Variants in RPTOR observed in about 807,000 individuals in gnomAD.
The protein encoded by RPTOR is regulatory associated protein of MTOR complex 1.
RPTOR carries 21 observed loss-of-function variants against 169.9 expected under a neutral mutation model. The ratio of observed to expected loss-of-function variants is 0.12; its 90% CI spans 0.09 to 0.18. The LOEUF is 0.18. Ranked by LOEUF, RPTOR falls within the 10% of genes least tolerant of loss-of-function variation. The pLI, the probability that RPTOR is intolerant of heterozygous loss-of-function variation, is 1.00. For synonymous variants in RPTOR, 732 were observed against 753.2 expected, an observed-to-expected ratio of 0.97 and a Z score of 0.46; for missense variants, 1,133 against 1,855.9, an observed-to-expected ratio of 0.61 and a Z score of 7.16.
rs1267117185 is a variant in RPTOR at position 80,659,994 on chromosome 17, G to A, written c.348+16184G>A. Among the ~76,000 whole-genome samples the A allele has an allele frequency of 2.0e-5, 3 of 152,158 alleles. No homozygotes were observed. Among genetic ancestry groups the A allele is most frequent in the Admixed American group, 1.3e-4 (2 of 15,282 alleles). On this transcript the variant is annotated intron_variant, in intron 3 of 33. Transcript: ENST00000306801. The surrounding 1 kb of genome is among the most constrained non-coding windows in gnomAD (Gnocchi z 4.3). ...ATATATAAGAATTTAAATGAGGCCG[G>A]GCGTGGTGGCTCATGCCTGTAATCC...
chr17:80,680,863 C>T (rs1053955470), intron 3 of RPTOR, among the ~76,000 whole-genome samples: 9 of 152,142 alleles, frequency 5.9e-5, no homozygotes, highest in African/African-American at 1.4e-4. Context: ...GTGCTGGGCT[C>T]GTCTGTGAAC....
chr17:80,712,479 G>A (rs774909134), intron 4 of RPTOR, among the ~76,000 whole-genome samples: 19 of 152,122 alleles, frequency 1.2e-4, no homozygotes, highest in African/African-American at 4.1e-4. Flanking sequence ...AGACTCCTCC[G>A]TGTCTTTTTG....
rs984925593 is a variant in RPTOR, at chr17:80,609,358, A to C, written c.163-16333A>C. Among the ~76,000 whole-genome samples, 2 of 152,206 alleles carry C rather than the reference A, an allele frequency of 1.3e-5. No homozygotes were observed. Among genetic ancestry groups the C allele is most frequent in the Non-Finnish European group, 2.9e-5 (2 of 68,040 alleles). ...CTGGCAGATGGTGGGTTTCACACTG[A>C]GTTAAGTAGCTTCACGACTGCTAGT... On this transcript the variant is annotated intron_variant, in intron 1 of 33. Coordinates refer to ENST00000306801, the MANE Select transcript of RPTOR (RefSeq NM_020761.3). This position sits in a 1 kb window ranked among gnomAD's most constrained non-coding sequence, Gnocchi z 4.8.
intron 9 of RPTOR, among the ~76,000 whole-genome samples, chr17:80,832,766 G>T (rs2067520180): frequency 6.6e-6 from 1 of 152,138 alleles, no homozygotes; most frequent in South Asian, 2.1e-4. Context: ...ATAGACCAAA[G>T]TGTGTACATC....
intron 3 of RPTOR, among the ~76,000 whole-genome samples, chr17:80,706,143 CA>C (rs1339615698): frequency 6.6e-6 from 1 of 152,162 alleles, no homozygotes; most frequent in African/African-American, 2.4e-5. Context: ...CACCCAGAGG[CA>C]AACCCTTTTA....
chr17:80,957,673 C>T lies in RPTOR; in HGVS notation c.3420C>T (p.Ser1140=), dbSNP rs372468885. The change falls in exon 29 of 34, where the codon AGC becomes AGT. Residue 1140 remains serine (S), a synonymous_variant. Coordinates refer to ENST00000306801, the MANE Select transcript of RPTOR (RefSeq NM_020761.3). This position sits in a 1 kb window ranked among gnomAD's most constrained non-coding sequence, Gnocchi z 4.6. ...DWEQETGLLM[S]SGDVRIVRIW... Reference sequence around the variant, plus strand: ...AGCAGGAGACCGGCCTCCTCATGAGCTCAGGAGACGTGCGGATCGTCCGGA... The same window carrying T: ...AGCAGGAGACCGGCCTCCTCATGAGTTCAGGAGACGTGCGGATCGTCCGGA... 129 of 1,614,050 alleles carry T rather than the reference C, an allele frequency of 8.0e-5. No homozygotes were observed. Among genetic ancestry groups the T allele is most frequent in the Non-Finnish European group, 1.1e-4 (125 of 1,180,054 alleles).
At chr17:80,898,921 G>A (rs182414222) in intron 20 of RPTOR, among the ~76,000 whole-genome samples, 52 of 151,984 alleles carry the variant, frequency 3.4e-4, no homozygotes, top group African/African-American at 1.1e-3. Context: ...CAGGGCATCC[G>A]CCAAGGCAGT....
intron 21 of RPTOR, among the ~76,000 whole-genome samples, chr17:80,920,737 T>C (rs1426245730): frequency 6.6e-6 from 1 of 152,220 alleles, no homozygotes; most frequent in African/African-American, 2.4e-5. Context: ...CATGTGTGGG[T>C]TTTGCTAAAG....
intron 11 of RPTOR, among the ~76,000 whole-genome samples, chr17:80,852,073 G>A (rs1225319350): frequency 6.6e-6 from 1 of 152,290 alleles, no homozygotes; most frequent in African/African-American, 2.4e-5. Context: ...CACACAGAGA[G>A]TCAGTCCTTA....
chr17:80,556,882 T>C (rs1599546095), intron 1 of RPTOR, among the ~76,000 whole-genome samples: 1 of 151,642 alleles, frequency 6.6e-6, no homozygotes, highest in South Asian at 2.1e-4. Context: ...TCACCTGAGG[T>C]CAGGAGTTCG....
At position 80,639,879 on chromosome 17, in the gene RPTOR, A is replaced by G. The variant is rs139973786; in HGVS notation, c.266-3849A>G. 3.4e-3 allele frequency among the ~76,000 whole-genome samples: 520 copies of G among 152,326 alleles called. 1 individual carries two copies. The highest frequency in any genetic ancestry group is 0.012 in the African/African-American group (504 of 41,560). ...TAGGAAGAAGATGGAGAGGTTTAAA[A>G]AGAAAAAGCTGCACCCCTTCAGGTT... On this transcript the variant is annotated intron_variant, in intron 2 of 33. Transcript: ENST00000306801.
At chr17:80,670,443 G>T (rs1325502785) in intron 3 of RPTOR, among the ~76,000 whole-genome samples, 1 of 152,066 alleles carries the variant, frequency 6.6e-6, no homozygotes, top group Non-Finnish European at 1.5e-5. Flanking sequence ...TAACCATCCG[G>T]AGCGTTGCTG....
rs1398985411 is a variant in RPTOR at position 80,633,815 on chromosome 17, T to G, written c.265+8022T>G. Among the ~76,000 whole-genome samples, 1 of 152,240 alleles carries G rather than the reference T, an allele frequency of 6.6e-6. No individual in the cohort carries two copies. Among genetic ancestry groups the G allele is most frequent in the Non-Finnish European group, 1.5e-5 (1 of 68,036 alleles). The stretch of plus-strand genomic sequence containing the variant: ...TTTAGAATCCAGTGTTATCCTTTGG[T>G]GCCGAGCTTGTCTCCCTCTGGTTGT... On this transcript the variant is annotated intron_variant, in intron 2 of 33. Coordinates refer to ENST00000306801, the MANE Select transcript of RPTOR (RefSeq NM_020761.3). The surrounding 1 kb of genome is among the most constrained non-coding windows in gnomAD (Gnocchi z 4.1).
intron 1 of RPTOR, among the ~76,000 whole-genome samples, chr17:80,579,439 G>C (rs2064995734): frequency 6.6e-6 from 1 of 152,192 alleles, no homozygotes; most frequent in African/African-American, 2.4e-5. Flanking sequence ...TGATCCGCCT[G>C]CCTCAGCCTC....
chr17:80,790,801 C>T (rs2067039562), intron 6 of RPTOR, among the ~76,000 whole-genome samples: 2 of 152,196 alleles, frequency 1.3e-5, no homozygotes, highest in Admixed American at 6.5e-5. Context: ...TTGCATTTCT[C>T]CTACTAAAAA....
intron 1 of RPTOR, among the ~76,000 whole-genome samples, chr17:80,606,736 A>G (rs1000009452): frequency 6.6e-6 from 1 of 152,106 alleles, no homozygotes; most frequent in Non-Finnish European, 1.5e-5. Flanking sequence ...TTTGTTCACT[A>G]CTGTTTACCT....
intron 24 of RPTOR, among the ~76,000 whole-genome samples, chr17:80,935,469 A>C (rs752302072): frequency 2.0e-5 from 3 of 152,240 alleles, no homozygotes; most frequent in Non-Finnish European, 2.9e-5. Flanking sequence ...TAAAAAAAGT[A>C]ATCAAGATGG....
chr17:80,716,733 G>T (rs1445084819), intron 4 of RPTOR, among the ~76,000 whole-genome samples: 2 of 152,106 alleles, frequency 1.3e-5, no homozygotes, highest in Non-Finnish European at 2.9e-5. Flanking sequence ...TCCATCTTGG[G>T]TTGATTTTTG....
intron 1 of RPTOR, among the ~76,000 whole-genome samples, chr17:80,568,879 A>T (rs983498476): frequency 6.6e-6 from 1 of 152,198 alleles, no homozygotes; most frequent in Middle Eastern, 3.4e-3. Flanking sequence ...GGATCTCACT[A>T]TGTTGCCCAG....
Sources: allele counts gnomAD v4.1 joint callset (sites outside exome capture counted in the v4.1 genomes callset), GRCh38; gene constraint gnomAD v4.1.1; non-coding constraint Gnocchi (gnomAD v3.1); transcripts MANE v1.5; gene names NCBI Gene and HGNC (gene_info 2026-07-23, HGNC 2026-07-21).